Variants in ABCB7 observed in about 807,000 individuals in gnomAD.
The protein encoded by ABCB7 is iron-sulfur clusters transporter ABCB7, mitochondrial.
ABCB7 carries 7 observed loss-of-function variants against 54.4 expected under a neutral mutation model. The observed-to-expected ratio is 0.13, with a 90% CI of 0.07 to 0.24. The LOEUF is 0.24. Among genes scored for constraint, ABCB7 ranks in the 10% least tolerant of loss-of-function variants. ABCB7 has a pLI of 1.00. For missense variants in ABCB7, 356 were observed against 570.4 expected, an observed-to-expected ratio of 0.62 and a Z score of 3.83; for synonymous variants, 218 against 207.1, an observed-to-expected ratio of 1.05 and a Z score of -0.45.
At chrX:75,126,010 T>C (rs2081923469) in intron 1 of ABCB7, among the ~76,000 whole-genome samples, 1 of 111,502 alleles carries the variant, frequency 9.0e-6, no homozygotes, top group Admixed American at 9.6e-5. Context: ...CTAAAATTCA[T>C]ACAATAGCTA....
At chrX:75,128,731 C>T (rs2081953000) in intron 1 of ABCB7, among the ~76,000 whole-genome samples, 2 of 111,867 alleles carry the variant, frequency 1.8e-5, no homozygotes, top group Non-Finnish European at 1.9e-5. Flanking sequence ...CTACAAGGAA[C>T]TTAATCAAAT....
chrX:75,132,989 G>A (rs191422793), intron 1 of ABCB7, among the ~76,000 whole-genome samples: 1 of 111,923 alleles, frequency 8.9e-6, no homozygotes, highest in East Asian at 2.8e-4. Context: ...AGGAGGAAAT[G>A]GCTGAAATTA....
intron 1 of ABCB7, among the ~76,000 whole-genome samples, chrX:75,152,349 GTCTCT>G (rs757850236): frequency 9.0e-6 from 1 of 111,363 alleles, no homozygotes; most frequent in East Asian, 2.8e-4. Flanking sequence ...GAGCTGCCTT[GTCTCT>G]TCTACCACAT....
At chrX:75,068,022 G>A (rs2081335476) in intron 12 of ABCB7, among the ~76,000 whole-genome samples, 1 of 111,232 alleles carries the variant, frequency 9.0e-6, no homozygotes, top group Admixed American at 9.5e-5. Flanking sequence ...ATGATGTTAT[G>A]AGATACATAT....
At chrX:75,154,592 C>G (rs2082159151) in intron 1 of ABCB7, among the ~76,000 whole-genome samples, 1 of 111,900 alleles carries the variant, frequency 8.9e-6, no homozygotes, top group Admixed American at 9.5e-5. Flanking sequence ...ACGTGCAGTT[C>G]TAGAAAAGGT....
At chrX:75,121,589 T>C (rs1363563450) in intron 1 of ABCB7, among the ~76,000 whole-genome samples, 1 of 111,582 alleles carries the variant, frequency 9.0e-6, no homozygotes, top group African/African-American at 3.3e-5. Flanking sequence ...GGATGGGTAA[T>C]ACAAAAATCA....
At chrX:75,128,837 C>T (rs1374428836) in intron 1 of ABCB7, among the ~76,000 whole-genome samples, 1 of 111,725 alleles carries the variant, frequency 9.0e-6, no homozygotes, top group Non-Finnish European at 1.9e-5. Flanking sequence ...CAATAAACAT[C>T]TGAAAAAAAG....
intron 2 of ABCB7, among the ~76,000 whole-genome samples, chrX:75,114,368 G>T (rs1044851386): frequency 5.4e-5 from 6 of 111,373 alleles, no homozygotes; most frequent in Non-Finnish European, 1.1e-4. Flanking sequence ...CTACCTGATG[G>T]GCTCTAATAA....
At chrX:75,089,904 A>G (rs2081531271) in intron 4 of ABCB7, among the ~76,000 whole-genome samples, 1 of 110,817 alleles carries the variant, frequency 9.0e-6, no homozygotes. Flanking sequence ...AGAAATATAC[A>G]CCACCTTAAC....
At chrX:75,060,901 T>G (rs1212770523) in intron 14 of ABCB7, among the ~76,000 whole-genome samples, 1 of 111,853 alleles carries the variant, frequency 8.9e-6, no homozygotes, top group East Asian at 2.8e-4. Context: ...AAATACATTT[T>G]TGTTTATTCC....
At chrX:75,110,718 T>C (rs893754923) in intron 3 of ABCB7, among the ~76,000 whole-genome samples, 3 of 112,037 alleles carry the variant, frequency 2.7e-5, no homozygotes, top group Non-Finnish European at 5.6e-5. Flanking sequence ...AAGCAGCATA[T>C]AAATAAAAAT....
intron 6 of ABCB7, 28 bp from the exon 7 acceptor site, chrX:75,073,984 G>A (rs1265192881): frequency 4.5e-6 from 5 of 1,100,458 alleles, no homozygotes; most frequent in African/African-American, 3.6e-5. Flanking sequence ...AAGAAGAAAC[G>A]TGAAACAGTT....
intron 4 of ABCB7, among the ~76,000 whole-genome samples, chrX:75,080,783 G>A (rs755741816): frequency 8.9e-6 from 1 of 111,747 alleles, no homozygotes; most frequent in South Asian, 3.8e-4. Flanking sequence ...TCGTCTCTTT[G>A]GTGAAATATC....
At chrX:75,077,145 A>G (rs1189773323) in intron 4 of ABCB7, among the ~76,000 whole-genome samples, 1 of 112,157 alleles carries the variant, frequency 8.9e-6, no homozygotes, top group Non-Finnish European at 1.9e-5. Flanking sequence ...GGTCATCAAA[A>G]TAATGGTAAA....
At position 75,078,775 on chromosome X, in the gene ABCB7, G is replaced by A. The variant is rs750751941; in HGVS notation, c.454-2121C>T. On this transcript the variant is annotated intron_variant, in intron 4 of 15. Coordinates refer to ENST00000373394, the MANE Select transcript of ABCB7 (RefSeq NM_001271696.3). ...TTTCTAGTATACCATAGCCACATTA[G>A]CAGCTTATAAGGCAGGGACAATATA... 2.7e-5 allele frequency among the ~76,000 whole-genome samples: 3 copies of A among 111,980 alleles called. No individual in the cohort carries two copies. In the Admixed American group the frequency reaches 2.8e-4, roughly 11 times the overall value.
chrX:75,148,372 C>A (rs1294953671), intron 1 of ABCB7, among the ~76,000 whole-genome samples: 1 of 108,612 alleles, frequency 9.2e-6, no homozygotes, highest in African/African-American at 3.4e-5. Context: ...TTTTAGCATC[C>A]CAAACCCCCC....
intron 1 of ABCB7, among the ~76,000 whole-genome samples, chrX:75,151,793 C>T (rs186566504): frequency 3.8e-4 from 43 of 111,903 alleles, no homozygotes; most frequent in African/African-American, 1.4e-3. Context: ...AGAGCTCAGG[C>T]GGTCAAGTGT....
At chrX:75,107,724 G>A (rs1243435878) in intron 3 of ABCB7, among the ~76,000 whole-genome samples, 1 of 108,918 alleles carries the variant, frequency 9.2e-6, no homozygotes, top group Non-Finnish European at 1.9e-5. Flanking sequence ...CATCAAAGGT[G>A]AGCCTCTGAG....
rs2081664100 is a variant in ABCB7 at position 75,104,047 on chromosome X, G to GTTTTTTTTGTTTTTTT, written c.334-4987_334-4986insAAAAAAACAAAAAAAA. 1.7e-3 allele frequency among the ~76,000 whole-genome samples: 23 copies of GTTTTTTTTGTTTTTTT among 13,443 alleles called. 2 individuals carry two copies. The highest frequency in any genetic ancestry group is 3.3e-3 in the Non-Finnish European group (19 of 5,715). The allele number at this position is 13,443 out of a possible 115,157, so 11.7% of individuals were successfully genotyped here. On this transcript the variant is annotated intron_variant, in intron 3 of 15. Coordinates refer to ENST00000373394, the MANE Select transcript of ABCB7 (RefSeq NM_001271696.3). ...AAATGGGCATCCCTGTCTTGTTACA[G>GTTTTTTTTGTTTTTTT]TTTTTTTTTTTTTTTTTTTTTTTTT...
Sources: gnomAD v4.1 joint callset for allele counts (sites outside exome capture counted in the v4.1 genomes callset) on GRCh38, gnomAD v4.1.1 for gene constraint, MANE v1.5 for transcripts, NCBI Gene and HGNC (gene_info 2026-07-23, HGNC 2026-07-21) for gene names.